Variants in PCDHGA2 observed in about 807,000 individuals in gnomAD.
PCDHGA2 encodes the protein protocadherin gamma-A2.
PCDHGA2 carries 40 observed loss-of-function variants against 59.2 expected under a neutral mutation model. The observed-to-expected ratio is 0.68, with a 90% confidence interval of 0.52 to 0.88. The LOEUF (loss-of-function observed/expected upper bound fraction) is 0.88. Among genes scored for constraint, PCDHGA2 ranks in the 40% least tolerant of loss-of-function variants. The probability of loss-of-function intolerance (pLI) is 0.00; values close to 1 mark genes in which losing one functional copy is unlikely to be tolerated. For synonymous variants in PCDHGA2, 560 were observed against 526.0 expected, an observed-to-expected ratio of 1.06 and a Z score of -0.89; for missense variants, 1,226 against 1,204.0, an observed-to-expected ratio of 1.02 and a Z score of -0.27.
chr5:141,432,305 G>T lies in PCDHGA2; in HGVS notation c.2425-62502G>T. 1 of 1,614,254 alleles carries T rather than the reference G, an allele frequency of 6.2e-7. No individual in the cohort carries two copies. Among genetic ancestry groups the T allele is most frequent in the African/African-American group, 1.3e-5 (1 of 75,072 alleles). ...CAACTCCGACACTGGGGTACTGTAT[G>T]CGCTGAGCTCCTTCGACTACGAGCA... On this transcript the variant is annotated intron_variant, in intron 1 of 3. Transcript: ENST00000394576. This position sits in a 1 kb window ranked among gnomAD's most constrained non-coding sequence, Gnocchi z 6.0.
intron 1 of PCDHGA2, among the ~76,000 whole-genome samples, chr5:141,446,571 G>C (rs1460375061): frequency 2.0e-5 from 3 of 152,058 alleles, no homozygotes; most frequent in African/African-American, 7.2e-5. Flanking sequence ...CTGCCTCCCA[G>C]GTTCAAGTGA....
intron 1 of PCDHGA2, among the ~76,000 whole-genome samples, chr5:141,465,104 T>A (rs1044128193): frequency 1.3e-5 from 2 of 151,862 alleles, no homozygotes; most frequent in East Asian, 3.9e-4. Context: ...GTTTTTTTTT[T>A]AAGTGTTTTA....
At chr5:141,374,865 T>C (rs759726307) in intron 1 of PCDHGA2, 2 of 1,613,676 alleles carry the variant, frequency 1.2e-6, no homozygotes, top group African/African-American at 1.3e-5. Flanking sequence ...GGCACACCAG[T>C]GTTGGCAGTG....
At chr5:141,423,183 G>GCCCCCTCTCTCGGCCAC (rs760086052) in intron 1 of PCDHGA2, 8 of 1,613,570 alleles carry the variant, frequency 5.0e-6, no homozygotes, top group Non-Finnish European at 6.8e-6. Context: ...ACCACGGCCA[G>GCCCCCTCTCTCGGCCAC]CCCCCTCTCT....
chr5:141,366,351 A>T, intron 1 of PCDHGA2: 1 of 1,613,946 alleles, frequency 6.2e-7, no homozygotes, highest in Non-Finnish European at 8.5e-7. Context: ...ATCCTGGCTG[A>T]CCTAGGCAGT....
rs1430117302 is a variant in PCDHGA2, at chr5:141,339,834, C to A, written c.863C>A (p.Thr288Asn). Residue 288 changes from threonine to asparagine, a missense_variant, in exon 1 of 4, where the codon ACC becomes AAC. Transcript: ENST00000394576. ...VYFLEKSPGE[T>N]SEVFELKSTS... ...TTTCTAGAGAAAAGCCCTGGAGAAA[C>A]CTCAGAGGTATTTGAGCTTAAGTCA... The A allele has an allele frequency of 6.2e-7, 1 of 1,614,004 alleles. No homozygotes were observed. Among genetic ancestry groups the A allele is most frequent in the Non-Finnish European group, 8.5e-7 (1 of 1,180,018 alleles).
intron 1 of PCDHGA2, among the ~76,000 whole-genome samples, chr5:141,456,381 G>T (rs1296419395): frequency 6.6e-6 from 1 of 152,110 alleles, no homozygotes; most frequent in Admixed American, 6.6e-5. Context: ...TTACAGCACC[G>T]TTTGGAGTTT....
chr5:141,374,902 C>A, intron 1 of PCDHGA2: 1 of 1,613,754 alleles, frequency 6.2e-7, no homozygotes, highest in South Asian at 1.1e-5. Context: ...ATGAAGGAGT[C>A]CACGGGGAAG....
chr5:141,407,497 G>GTTTTTTT (rs1554102286), intron 1 of PCDHGA2, among the ~76,000 whole-genome samples: 1 of 152,088 alleles, frequency 6.6e-6, no homozygotes, highest in African/African-American at 2.4e-5. Context: ...CTTTATTTCT[G>GTTTTTTT]TTTTTCTTAG....
rs1317079449 is a variant in PCDHGA2 at position 141,345,909 on chromosome 5, G to A, written c.2424+4514G>A. On this transcript the variant is annotated intron_variant, in intron 1 of 3. Transcript: ENST00000394576. ...CTCGGTGGGTCTGCACACGGGCGAGGTGCGCACGGCGCGAGCCCTGCTGGA... is the reference window on the plus strand; with the variant it reads ...CTCGGTGGGTCTGCACACGGGCGAGATGCGCACGGCGCGAGCCCTGCTGGA... The A allele has an allele frequency of 3.1e-6, 5 of 1,612,572 alleles. No homozygotes were observed. In the East Asian group the frequency reaches 1.1e-4, roughly 36 times the overall value.
chr5:141,452,360 C>A (rs1045666881), intron 1 of PCDHGA2, among the ~76,000 whole-genome samples: 3 of 152,172 alleles, frequency 2.0e-5, no homozygotes, highest in Non-Finnish European at 4.4e-5. Flanking sequence ...AAAAGCCTTG[C>A]TTCATTTTAG....
chr5:141,441,692 G>A (rs1165171238), intron 1 of PCDHGA2: 2 of 301,376 alleles, frequency 6.6e-6, no homozygotes, highest in Non-Finnish European at 1.3e-5. Context: ...AAGAGCAGCC[G>A]CGAGCCTTCA....
intron 1 of PCDHGA2, among the ~76,000 whole-genome samples, chr5:141,402,766 A>T (rs1321674206): frequency 6.6e-6 from 1 of 152,232 alleles, no homozygotes; most frequent in African/African-American, 2.4e-5. Context: ...TCAGGACTCC[A>T]TCCGGATTTC....
intron 1 of PCDHGA2, chr5:141,414,814 A>C (rs1368279926): frequency 6.2e-7 from 1 of 1,614,100 alleles, no homozygotes; most frequent in African/African-American, 1.3e-5. Flanking sequence ...TCCTCCACTC[A>C]GCAGCAACGT....
chr5:141,390,263 T>G (rs1249972080), intron 1 of PCDHGA2: 2 of 1,614,054 alleles, frequency 1.2e-6, no homozygotes, highest in Non-Finnish European at 1.7e-6. Context: ...GTAATTCCAG[T>G]GAATTGACTT....
intron 1 of PCDHGA2, among the ~76,000 whole-genome samples, chr5:141,439,168 G>C (rs2098092980): frequency 6.6e-6 from 1 of 150,792 alleles, no homozygotes; most frequent in Non-Finnish European, 1.5e-5. Context: ...ACTCCAGCCT[G>C]GGCGACATAG....
chr5:141,399,940 C>T lies in PCDHGA2; in HGVS notation c.2424+58545C>T, dbSNP rs374856105. On this transcript the variant is annotated intron_variant, in intron 1 of 3. Transcript: ENST00000394576. Reference sequence around the variant, plus strand: ...CAACGCCTGGCTGTCCTACCACGTGCTGCAGGCTAGCGAGCCCGGGCTCTT... The same window carrying T: ...CAACGCCTGGCTGTCCTACCACGTGTTGCAGGCTAGCGAGCCCGGGCTCTT... 4.8e-4 allele frequency: 772 copies of T among 1,612,360 alleles called. 1 individual carries two copies. In the African/African-American group the frequency reaches 9.6e-3, roughly 20 times the overall value.
chr5:141,407,505 T>TTTTTTTTTTTTTTTTTTTTTTTTTTTTTG (rs1460306566), intron 1 of PCDHGA2, among the ~76,000 whole-genome samples: 2 of 152,144 alleles, frequency 1.3e-5, no homozygotes, highest in Non-Finnish European at 1.5e-5. Context: ...CTGTTTTTCT[T>TTTTTTTTTTTTTTTTTTTTTTTTTTTTTG]AGGCTATGTA....
At chr5:141,414,106 C>G (rs1424739885) in intron 1 of PCDHGA2, 2 of 1,592,536 alleles carry the variant, frequency 1.3e-6, no homozygotes, top group Non-Finnish European at 1.7e-6. Context: ...ATCAGAAAAT[C>G]TAGATTATGA....
Sources: allele counts gnomAD v4.1 joint callset (sites outside exome capture counted in the v4.1 genomes callset), GRCh38; gene constraint gnomAD v4.1.1; non-coding constraint Gnocchi (gnomAD v3.1); transcripts MANE v1.5; gene names NCBI Gene and HGNC (gene_info 2026-07-23, HGNC 2026-07-21).